The following COL15A1 variants were observed in gnomAD, a reference collection of about 807,000 sequenced individuals.
The protein encoded by COL15A1 is collagen type XV alpha 1 chain.
Under a neutral mutation model 165.9 loss-of-function variants are expected in COL15A1, and 111 were observed. The observed-to-expected ratio is 0.67, with a 90% CI of 0.57 to 0.78. COL15A1 has a LOEUF of 0.78. Among genes scored for constraint, COL15A1 ranks in the 30% least tolerant of loss-of-function variants. The pLI, the probability that COL15A1 is intolerant of heterozygous loss-of-function variation, is 0.00. For missense variants in COL15A1, 1,745 were observed against 1,789.7 expected, an observed-to-expected ratio of 0.98 and a Z score of 0.45; for synonymous variants, 659 against 674.8, an observed-to-expected ratio of 0.98 and a Z score of 0.36.
intron 18 of COL15A1, 74 bp downstream of exon 18, chr9:99,035,228 C>A: frequency 6.4e-7 from 1 of 1,574,748 alleles, no homozygotes; most frequent in Non-Finnish European, 8.7e-7. Context: ...CTAGCTAAAC[C>A]CTGGTCTCAG....
In COL15A1 at chr9:99,000,913, T is replaced by C. The variant is rs772284159; in HGVS notation, c.1027T>C (p.Ser343Pro). ...VDGDPITDSG[S>P]GAGAFLDIAE... ...TGGTGACCCCATTACTGACAGCGGCTCAGGGGCTGGGGCCTTCCTTGACAT... is the reference window on the plus strand; with the variant it reads ...TGGTGACCCCATTACTGACAGCGGCCCAGGGGCTGGGGCCTTCCTTGACAT... Residue 343 changes from serine (S) to proline (P), a missense_variant, in exon 7 of 42, where the codon TCA becomes CCA. Coordinates refer to ENST00000375001, the MANE Select transcript of COL15A1 (RefSeq NM_001855.5). The C allele has an allele frequency of 1.2e-6, 2 of 1,600,688 alleles. No homozygotes were observed. The highest frequency in any genetic ancestry group is 3.3e-5 in the Admixed American group (2 of 59,964).
intron 2 of COL15A1, among the ~76,000 whole-genome samples, chr9:98,961,259 C>T (rs563504445): frequency 1.3e-5 from 2 of 152,282 alleles, no homozygotes; most frequent in South Asian, 4.1e-4. Flanking sequence ...CTCTAGGATC[C>T]TATAGTCTAA....
intron 8 of COL15A1, 108 bp downstream of exon 8, chr9:99,003,695 C>G (rs1028673853): frequency 8.1e-7 from 1 of 1,232,122 alleles, no homozygotes. Flanking sequence ...AACACAGTGA[C>G]AGTCTCATGG....
At chr9:99,015,017 G>C (rs1395499301) in intron 9 of COL15A1, among the ~76,000 whole-genome samples, 1 of 151,752 alleles carries the variant, frequency 6.6e-6, no homozygotes, top group African/African-American at 2.4e-5. Context: ...CAAATTATTA[G>C]GGAAGTATGT....
chr9:99,001,771 C>G (rs1838659912), intron 7 of COL15A1, among the ~76,000 whole-genome samples: 1 of 152,152 alleles, frequency 6.6e-6, no homozygotes, highest in Admixed American at 6.5e-5. Flanking sequence ...GAAATGGACA[C>G]AGTTGTACTT....
chr9:99,066,748 G>A (rs1825900890), intron 39 of COL15A1, 134 bp from the exon 40 acceptor site: 1 of 706,330 alleles, frequency 1.4e-6, no homozygotes, highest in Non-Finnish European at 2.3e-6. Flanking sequence ...ATGTCAGGGA[G>A]GGATTGAATA....
intron 22 of COL15A1, 144 bp downstream of exon 22, chr9:99,038,877 T>C (rs1437386272): frequency 1.2e-5 from 7 of 582,386 alleles, no homozygotes; most frequent in Non-Finnish European, 1.2e-5. Flanking sequence ...GCTTTGCATT[T>C]TTTGAAAAGT....
At chr9:99,006,242 G>T (rs1448576284) in intron 9 of COL15A1, among the ~76,000 whole-genome samples, 1 of 152,198 alleles carries the variant, frequency 6.6e-6, no homozygotes, top group East Asian at 1.9e-4. Context: ...AGTTGATAAT[G>T]AACTTGGCAA....
intron 2 of COL15A1, 74 bp from the exon 3 acceptor site, chr9:98,985,491 A>C: frequency 4.3e-6 from 6 of 1,390,604 alleles, no homozygotes; most frequent in Non-Finnish European, 5.8e-6. Context: ...TTCATTTGTG[A>C]CTGCGTTTCT....
chr9:99,068,604 G>A lies in COL15A1; in HGVS notation c.3887G>A (p.Gly1296Asp), dbSNP rs776407994. 2 of 1,551,108 alleles carry A rather than the reference G, an allele frequency of 1.3e-6. No individual in the cohort carries two copies. Among genetic ancestry groups the A allele is most frequent in the African/African-American group, 1.4e-5 (1 of 70,520 alleles). The change falls in exon 41 of 42, where the codon GGT (glycine) becomes GAT (aspartate). Residue 1296 changes from glycine (G) to aspartate (D), a missense_variant. By Grantham distance (94) the Gly-to-Asp change is moderately conservative (BLOSUM62 -1). Coordinates refer to ENST00000375001, the MANE Select transcript of COL15A1 (RefSeq NM_001855.5). ...NWDSIFSGHG[G>D]QFNMHIPIYS... is the part of the protein sequence containing the mutation. Reference sequence around the variant, plus strand: ...GACTCAATTTTTTCTGGCCACGGAGGTCAGTTCAATATGCATATTCCAATA... The same window carrying A: ...GACTCAATTTTTTCTGGCCACGGAGATCAGTTCAATATGCATATTCCAATA...
chr9:98,991,195 G>A (rs779646009), intron 5 of COL15A1, among the ~76,000 whole-genome samples: 7 of 152,156 alleles, frequency 4.6e-5, no homozygotes, highest in African/African-American at 9.7e-5. Flanking sequence ...CTTCCACAAT[G>A]GGAAAAGGAC....
chr9:98,972,631 G>T (rs1441169920), intron 2 of COL15A1, among the ~76,000 whole-genome samples: 1 of 152,236 alleles, frequency 6.6e-6, no homozygotes, highest in Non-Finnish European at 1.5e-5. Flanking sequence ...AATTTTAGCT[G>T]CTGATGCTGT....
chr9:98,970,865 C>T (rs1420155218), intron 2 of COL15A1, among the ~76,000 whole-genome samples: 3 of 151,858 alleles, frequency 2.0e-5, no homozygotes, highest in Non-Finnish European at 4.4e-5. Context: ...AGTATATAAA[C>T]GTGTGTGTAT....
intron 35 of COL15A1, among the ~76,000 whole-genome samples, chr9:99,059,282 C>T (rs531534260): frequency 6.6e-6 from 1 of 152,328 alleles, no homozygotes; most frequent in East Asian, 1.9e-4. Flanking sequence ...GCACTCAGTT[C>T]TCACCGCAGC....
chr9:99,034,731 T>C, intron 17 of COL15A1, 147 bp downstream of exon 17: 1 of 1,415,962 alleles, frequency 7.1e-7, no homozygotes, highest in Non-Finnish European at 9.3e-7. Context: ...AAGGAATTGC[T>C]CAGAGAAGGC....
At chr9:98,955,971 C>G (rs1399137165) in intron 2 of COL15A1, among the ~76,000 whole-genome samples, 2 of 152,228 alleles carry the variant, frequency 1.3e-5, no homozygotes, top group Non-Finnish European at 2.9e-5. Flanking sequence ...ATCCTGACTC[C>G]TAGGCCAGTG....
In COL15A1 at chr9:98,996,986, C is replaced by G; in HGVS notation, c.857C>G (p.Pro286Arg). The stretch of plus-strand genomic sequence containing the variant: ...AACACACCTCCAACTCCATCCTCCC[C>G]CTTTGAAGACATGGAACTTTCTGGT... ...PINTPPTPSS[P>R]FEDMELSGEP... is the part of the protein sequence containing the mutation. The change falls in exon 6 of 42, where the codon CCC becomes CGC. Residue 286 changes from proline (P) to arginine (R), a missense_variant. Coordinates refer to ENST00000375001, the MANE Select transcript of COL15A1 (RefSeq NM_001855.5). 1 of 1,614,200 alleles carries G rather than the reference C, an allele frequency of 6.2e-7. No homozygotes were observed. Among genetic ancestry groups the G allele is most frequent in the South Asian group, 1.1e-5 (1 of 91,084 alleles).
chr9:98,953,705 T>C (rs1195807066), intron 2 of COL15A1, among the ~76,000 whole-genome samples: 3 of 152,170 alleles, frequency 2.0e-5, no homozygotes, highest in Non-Finnish European at 2.9e-5. Context: ...GGAACCCCTT[T>C]CTGGGTTTGG....
rs1042285890 is a variant in COL15A1 at position 99,023,514 on chromosome 9, G to A, written c.1854+65G>A. Reference sequence around the variant, plus strand: ...CCTTCAAAATAACCCCAGAGGGAGGGACGTGGGGGCCAGGGACAGATGAAA... The same window carrying A: ...CCTTCAAAATAACCCCAGAGGGAGGAACGTGGGGGCCAGGGACAGATGAAA... On this transcript the variant is annotated intron_variant, in intron 14 of 41. Coordinates refer to ENST00000375001, the MANE Select transcript of COL15A1 (RefSeq NM_001855.5). 5.0e-6 allele frequency: 4 copies of A among 792,576 alleles called. No homozygotes were observed. In the African/African-American group the frequency reaches 5.1e-5, roughly 10 times the overall value. 49.1% of individuals were successfully genotyped at this position (792,576 alleles called of 1,614,324 possible). A position where few individuals can be genotyped will look rare whatever the true frequency, so the allele number is the denominator to read the frequency against.
Sources: allele counts gnomAD v4.1 joint callset (sites outside exome capture counted in the v4.1 genomes callset), GRCh38; gene constraint gnomAD v4.1.1; transcripts MANE v1.5; gene names NCBI Gene and HGNC (gene_info 2026-07-23, HGNC 2026-07-21).